FGF12: variants seen among roughly 807,000 people sequenced by gnomAD.
FGF12 encodes fibroblast growth factor 12, also known as fibroblast growth factor 12B.
FGF12 carries 14 observed loss-of-function variants against 23.6 expected under a neutral mutation model. That is an observed-to-expected ratio of 0.59 (90% CI 0.39 to 0.93). FGF12 has a LOEUF of 0.93. Among genes scored for constraint, FGF12 ranks in the 40% least tolerant of loss-of-function variants. The pLI is 0.00. For synonymous variants in FGF12, 62 were observed against 77.3 expected (o/e 0.80, Z 1.04); for missense variants, 175 against 217.8 (o/e 0.80, Z 1.24).
intron 2 of FGF12, among the ~76,000 whole-genome samples, chr3:192,451,279 C>G (rs73066295): frequency 0.048 from 7,242 of 152,264 alleles, 595 homozygotes; most frequent in African/African-American, 0.16. Context: ...ATCCAAGTCT[C>G]CTGACTTTCC....
intron 2 of FGF12, among the ~76,000 whole-genome samples, chr3:192,580,091 A>G (rs1026838644): frequency 1.3e-5 from 2 of 152,116 alleles, no homozygotes; most frequent in Non-Finnish European, 2.9e-5. Context: ...CTTGACTTTT[A>G]ATTCAGTGCT....
intron 4 of FGF12, among the ~76,000 whole-genome samples, chr3:192,280,663 C>T (rs1459914525): frequency 6.6e-6 from 1 of 152,048 alleles, no homozygotes; most frequent in Non-Finnish European, 1.5e-5. Flanking sequence ...AACTATCATC[C>T]TCATTTGACA....
intron 4 of FGF12, among the ~76,000 whole-genome samples, chr3:192,220,368 C>CT: frequency 6.6e-6 from 1 of 152,248 alleles, no homozygotes; most frequent in Middle Eastern, 3.4e-3. Flanking sequence ...ATTGCCTAAA[C>CT]TTTCCTACTC....
intron 4 of FGF12, among the ~76,000 whole-genome samples, chr3:192,196,794 C>T (rs1353425249): frequency 3.3e-5 from 5 of 151,940 alleles, no homozygotes. Flanking sequence ...CTTGAGCATA[C>T]AAATGAAGAC....
At chr3:192,310,097 A>T (rs868629170) in intron 4 of FGF12, among the ~76,000 whole-genome samples, 24 of 152,316 alleles carry the variant, frequency 1.6e-4, no homozygotes, top group Middle Eastern at 3.4e-3. Flanking sequence ...CAGACATAAG[A>T]ATACTGTAAT....
intron 4 of FGF12, among the ~76,000 whole-genome samples, chr3:192,173,700 AC>A (rs1403845986): frequency 6.6e-6 from 1 of 152,148 alleles, no homozygotes; most frequent in East Asian, 1.9e-4. Flanking sequence ...ATGCTAAGGA[AC>A]TCTGGAAAGT....
At chr3:192,450,381 G>A (rs559978578) in intron 2 of FGF12, among the ~76,000 whole-genome samples, 87 of 152,296 alleles carry the variant, frequency 5.7e-4, no homozygotes, top group Non-Finnish European at 1.0e-3. Context: ...AAAAAGTGGA[G>A]ACTGACAATA....
chr3:192,211,489 A>G (rs571205387), intron 4 of FGF12, among the ~76,000 whole-genome samples: 19,652 of 152,038 alleles, frequency 0.13, 1,414 homozygotes, highest in African/African-American at 0.2. Context: ...GCAGCGGCGC[A>G]ATCTCGGCTC....
At chr3:192,158,549 TCTC>T (rs1714652421) in intron 5 of FGF12, among the ~76,000 whole-genome samples, 2 of 109,512 alleles carry the variant, frequency 1.8e-5, no homozygotes, top group African/African-American at 3.7e-5. Flanking sequence ...CCGCCCTCCC[TCTC>T]TCCCTCCCTC....
At chr3:192,466,179 TGTATCTAAAC>T (rs1402005895) in intron 2 of FGF12, among the ~76,000 whole-genome samples, 16 of 152,278 alleles carry the variant, frequency 1.1e-4, no homozygotes, top group African/African-American at 3.1e-4. Flanking sequence ...TAAGTATTAG[TGTATCTAAAC>T]ATATCTAAAC....
At chr3:192,564,150 G>A (rs921485153) in intron 2 of FGF12, among the ~76,000 whole-genome samples, 133 of 152,174 alleles carry the variant, frequency 8.7e-4, no homozygotes, top group African/African-American at 3.1e-3. Flanking sequence ...TGCAATCTCC[G>A]CCTCTTGGGT....
At chr3:192,708,195 G>A (rs947174051) in intron 2 of FGF12, among the ~76,000 whole-genome samples, 40 of 152,110 alleles carry the variant, frequency 2.6e-4, no homozygotes, top group African/African-American at 9.2e-4. Context: ...TCCTGACCTC[G>A]TGATCCACCC....
At chr3:192,322,440 C>A (rs1484607971) in intron 4 of FGF12, among the ~76,000 whole-genome samples, 2 of 151,840 alleles carry the variant, frequency 1.3e-5, no homozygotes, top group Non-Finnish European at 2.9e-5. Context: ...ATACTAACAA[C>A]ATTCTTTACA....
At chr3:192,333,642 T>TA (rs997696548) in intron 4 of FGF12, among the ~76,000 whole-genome samples, 1 of 151,458 alleles carries the variant, frequency 6.6e-6, no homozygotes, top group Non-Finnish European at 1.5e-5. Flanking sequence ...TTTTCAGGAG[T>TA]AAAAAAAATA....
intron 4 of FGF12, among the ~76,000 whole-genome samples, chr3:192,236,770 C>G (rs1005211806): frequency 4.6e-5 from 7 of 152,158 alleles, no homozygotes; most frequent in African/African-American, 1.4e-4. Flanking sequence ...ACAGTTGGGT[C>G]TTGCTTTTTT....
At chr3:192,380,664 T>C (rs1719777891) in intron 2 of FGF12, among the ~76,000 whole-genome samples, 1 of 152,128 alleles carries the variant, frequency 6.6e-6, no homozygotes, top group Non-Finnish European at 1.5e-5. Context: ...CTGCCCCTGA[T>C]TGTCCAATAA....
At position 192,141,154 on chromosome 3, in the gene FGF12, A is replaced by AAAAAAAAAAAT. The variant is rs1553840885; in HGVS notation, c.*2854_*2855insATTTTTTTTTT. ...AAAAAAAAAAAAAAAAAAAAAAAAA[A>AAAAAAAAAAAT]GCTTATTTTACTTAAAAAGGAAAAG... On this transcript the variant is annotated 3_prime_UTR_variant, in exon 6 of 6. Transcript: ENST00000445105. The AAAAAAAAAAAT allele has an allele frequency of 2.2e-5, 3 of 136,606 alleles. No individual in the cohort carries two copies. Among genetic ancestry groups the AAAAAAAAAAAT allele is most frequent in the Middle Eastern group, 3.6e-3 (1 of 274 alleles). 8.5% of individuals were successfully genotyped at this position (136,606 alleles called of 1,614,324 possible).
intron 2 of FGF12, among the ~76,000 whole-genome samples, chr3:192,697,815 T>G (rs1718172003): frequency 6.6e-6 from 1 of 152,192 alleles, no homozygotes; most frequent in African/African-American, 2.4e-5. Flanking sequence ...TGCTGTTCCC[T>G]CCATCTGAAA....
At chr3:192,381,461 G>T (rs552465795) in intron 2 of FGF12, among the ~76,000 whole-genome samples, 3 of 152,228 alleles carry the variant, frequency 2.0e-5, no homozygotes, top group South Asian at 2.1e-4. Context: ...TGAACAAGGC[G>T]GTATGGCTAG....
Sources: allele counts gnomAD v4.1 joint callset (sites outside exome capture counted in the v4.1 genomes callset), GRCh38; gene constraint gnomAD v4.1.1; transcripts MANE v1.5; gene names NCBI Gene and HGNC (gene_info 2026-07-23, HGNC 2026-07-21).